NRG2: variants seen among roughly 807,000 people sequenced by gnomAD.
NRG2 encodes pro-neuregulin-2, membrane-bound isoform.
In NRG2, 27 loss-of-function variants were observed where a neutral mutation model predicts 73.9. The observed-to-expected ratio is 0.37, with a 90% CI of 0.27 to 0.50. The LOEUF (loss-of-function observed/expected upper bound fraction) is 0.50. Among genes scored for constraint, NRG2 ranks in the 20% least tolerant of loss-of-function variants. The pLI, the probability that NRG2 is intolerant of heterozygous loss-of-function variation, is 0.96. For synonymous variants in NRG2, 532 were observed against 541.0 expected (o/e 0.98, Z 0.23); for missense variants, 1,126 against 1,210.1 (o/e 0.93, Z 1.03).
intron 1 of NRG2, chr5:140,019,553 A>G (rs965800859): frequency 6.6e-6 from 1 of 152,224 alleles, no homozygotes; most frequent in Non-Finnish European, 1.5e-5. Flanking sequence ...AGAATTCTTT[A>G]TCCCTTCTCC....
chr5:139,925,427 G>C (rs1041821849), intron 1 of NRG2, among the ~76,000 whole-genome samples: 4 of 152,232 alleles, frequency 2.6e-5, no homozygotes, highest in Non-Finnish European at 5.9e-5. Context: ...AAGAAACTGA[G>C]ATGGTGATCC....
intron 1 of NRG2, among the ~76,000 whole-genome samples, chr5:140,022,478 A>G (rs1760321218): frequency 6.6e-6 from 1 of 152,124 alleles, no homozygotes; most frequent in Non-Finnish European, 1.5e-5. Flanking sequence ...ACTCATCTTT[A>G]CCTTTCATGC....
At chr5:139,914,330 C>T (rs1055447000) in intron 1 of NRG2, among the ~76,000 whole-genome samples, 3 of 152,108 alleles carry the variant, frequency 2.0e-5, no homozygotes, top group African/African-American at 7.2e-5. Context: ...AACAGTGGTG[C>T]TCCAAACCCC....
rs1761427745 is a variant in NRG2, at chr5:139,851,629, G to C, written c.1747C>G (p.Leu583Val). The C allele has an allele frequency of 5.0e-6, 8 of 1,614,088 alleles. No individual in the cohort carries two copies. The Middle Eastern group carries it at 9.9e-4, about 200-fold the overall frequency. Reference sequence around the variant, plus strand: ...CTCTCGCTGTGTGGGGAGTCGCGAAGGGAGTCCACGGAATCGTGATAGGGT... The same window carrying C: ...CTCTCGCTGTGTGGGGAGTCGCGAACGGAGTCCACGGAATCGTGATAGGGT... ...APPYHDSVDS[L>V]RDSPHSERYV... The change falls in exon 9 of 10, where the codon CTT (leucine) becomes GTT (valine). Residue 583 changes from leucine (L) to valine (V), a missense_variant. Leu to Val is a conservative substitution (Grantham distance 32). Coordinates refer to ENST00000361474, the MANE Select transcript of NRG2 (RefSeq NM_004883.3). The surrounding 1 kb of genome is among the most constrained non-coding windows in gnomAD (Gnocchi z 4.2).
intron 1 of NRG2, among the ~76,000 whole-genome samples, chr5:140,016,599 C>T (rs34308038): frequency 0.083 from 12,564 of 152,224 alleles, 1,035 homozygotes; most frequent in East Asian, 0.47. Context: ...AGACATCAAA[C>T]GATTTTTTAG....
chr5:139,868,630 G>C lies in NRG2; in HGVS notation c.1113-3005C>G, dbSNP rs1762645085. 6.6e-6 allele frequency among the ~76,000 whole-genome samples: 1 copy of C among 152,062 alleles called. No homozygotes were observed. Among genetic ancestry groups the C allele is most frequent in the Admixed American group, 6.5e-5 (1 of 15,290 alleles). The stretch of plus-strand genomic sequence containing the variant: ...GGGTGACAGAGAGGTCAGGACCTCT[G>C]CCTTCCCCTTTTCCCACCCCACCTC... On this transcript the variant is annotated intron_variant, in intron 4 of 9. Transcript: ENST00000361474. The surrounding 1 kb of genome is among the most constrained non-coding windows in gnomAD (Gnocchi z 4.2).
intron 1 of NRG2, among the ~76,000 whole-genome samples, chr5:139,968,452 T>C (rs950786740): frequency 1.3e-5 from 2 of 152,156 alleles, no homozygotes; most frequent in African/African-American, 4.8e-5. Context: ...CAGAATTTTT[T>C]CTGACTCTGC....
intron 1 of NRG2, among the ~76,000 whole-genome samples, chr5:140,003,192 A>T (rs1044906322): frequency 6.6e-6 from 1 of 152,218 alleles, no homozygotes; most frequent in African/African-American, 2.4e-5. Context: ...CATCAGTGGG[A>T]GTCCTGACTA....
At chr5:139,982,005 C>G (rs1042269507) in intron 1 of NRG2, among the ~76,000 whole-genome samples, 1 of 152,140 alleles carries the variant, frequency 6.6e-6, no homozygotes, top group Non-Finnish European at 1.5e-5. Context: ...GCATAGAGCA[C>G]GTTTGGAGCA....
At chr5:139,903,043 T>A (rs1226159547) in intron 1 of NRG2, among the ~76,000 whole-genome samples, 4 of 152,214 alleles carry the variant, frequency 2.6e-5, no homozygotes, top group African/African-American at 7.2e-5. Flanking sequence ...AATAGAGACC[T>A]CAGAGCCTTG....
At chr5:139,928,489 T>A (rs1488710499) in intron 1 of NRG2, among the ~76,000 whole-genome samples, 4 of 152,184 alleles carry the variant, frequency 2.6e-5, no homozygotes, top group Non-Finnish European at 5.9e-5. Context: ...TCCACTAATT[T>A]ATTCCTCTTT....
chr5:140,026,108 A>T (rs1014127471), intron 1 of NRG2, among the ~76,000 whole-genome samples: 1 of 152,268 alleles, frequency 6.6e-6, no homozygotes, highest in African/African-American at 2.4e-5. Flanking sequence ...CCAAGGAAAC[A>T]GAATGAGCAA....
intron 1 of NRG2, among the ~76,000 whole-genome samples, chr5:139,897,218 TA>T (rs1764602388): frequency 6.6e-6 from 1 of 152,218 alleles, no homozygotes; most frequent in Non-Finnish European, 1.5e-5. Flanking sequence ...AGCACTTGTA[TA>T]ACTAGGCAAG....
chr5:139,913,879 G>A (rs1751040735), intron 1 of NRG2, among the ~76,000 whole-genome samples: 1 of 152,218 alleles, frequency 6.6e-6, no homozygotes, highest in Non-Finnish European at 1.5e-5. Flanking sequence ...GGGGTCAGGT[G>A]CAGTGGCTCA....
intron 1 of NRG2, among the ~76,000 whole-genome samples, chr5:139,923,537 CTGG>C (rs1751834411): frequency 1.3e-5 from 2 of 152,164 alleles, no homozygotes; most frequent in Non-Finnish European, 2.9e-5. Flanking sequence ...CTCTCTCACT[CTGG>C]AGCCTAGTTT....
At chr5:139,896,046 T>C (rs577103376) in intron 1 of NRG2, among the ~76,000 whole-genome samples, 1 of 152,248 alleles carries the variant, frequency 6.6e-6, no homozygotes, top group African/African-American at 2.4e-5. Flanking sequence ...GAGAAAGTTG[T>C]TTCTGAAGCT....
chr5:139,893,953 C>T (rs539619391), intron 1 of NRG2, among the ~76,000 whole-genome samples: 4 of 152,182 alleles, frequency 2.6e-5, no homozygotes, highest in Non-Finnish European at 5.9e-5. Flanking sequence ...GGGCTTCTGG[C>T]CTGTATCTGT....
intron 1 of NRG2, among the ~76,000 whole-genome samples, chr5:139,922,688 T>A (rs1751762157): frequency 6.6e-6 from 1 of 152,192 alleles, no homozygotes; most frequent in South Asian, 2.1e-4. Context: ...TGCCCAAACT[T>A]GGAAGCTACC....
chr5:139,871,602 C>T, intron 4 of NRG2, 119 bp downstream of exon 4: 1 of 1,335,910 alleles, frequency 7.5e-7, no homozygotes, highest in Admixed American at 2.0e-5. Context: ...TTCCTGTCTA[C>T]ACCCCTTGGG....
Sources: gnomAD v4.1 joint callset for allele counts (sites outside exome capture counted in the v4.1 genomes callset) on GRCh38, gnomAD v4.1.1 for gene constraint, Gnocchi (gnomAD v3.1) non-coding constraint, MANE v1.5 for transcripts, NCBI Gene and HGNC (gene_info 2026-07-23, HGNC 2026-07-21) for gene names.